The following GPC6 variants were observed in gnomAD, a reference collection of about 807,000 sequenced individuals.
GPC6 encodes glypican 6, also known as glypican-6.
In GPC6, 14 loss-of-function variants were observed where a neutral mutation model predicts 55.2. That is an observed-to-expected ratio of 0.25 (90% confidence interval 0.17 to 0.40). GPC6 has a LOEUF of 0.40. Ranked by LOEUF, GPC6 falls within the 10% of genes least tolerant of loss-of-function variation. GPC6 has a pLI of 1.00. For synonymous variants in GPC6, 278 were observed against 259.6 expected, an observed-to-expected ratio of 1.07 and a Z score of -0.68; for missense variants, 641 against 708.5, an observed-to-expected ratio of 0.90 and a Z score of 1.08.
At chr13:94,097,889 T>C (rs933036567) in intron 4 of GPC6, among the ~76,000 whole-genome samples, 7 of 152,224 alleles carry the variant, frequency 4.6e-5, no homozygotes, top group Non-Finnish European at 8.8e-5. Context: ...ACAACCATTC[T>C]ATTTGTAGTC....
intron 4 of GPC6, among the ~76,000 whole-genome samples, chr13:94,030,383 T>C (rs1207756536): frequency 2.6e-5 from 4 of 152,174 alleles, no homozygotes; most frequent in Non-Finnish European, 5.9e-5. Context: ...TGGGTTCTGC[T>C]GTGGCATTGA....
intron 2 of GPC6, among the ~76,000 whole-genome samples, chr13:93,644,045 C>G (rs1880070803): frequency 2.0e-5 from 3 of 151,996 alleles, no homozygotes; most frequent in Non-Finnish European, 4.4e-5. Flanking sequence ...TATGTAATCC[C>G]ATCAGCTTGT....
chr13:94,096,467 CTT>C (rs1340509641), intron 4 of GPC6, among the ~76,000 whole-genome samples: 1 of 152,086 alleles, frequency 6.6e-6, no homozygotes, highest in African/African-American at 2.4e-5. Context: ...TTGAGAGGCT[CTT>C]TATTGTTTCA....
intron 1 of GPC6, among the ~76,000 whole-genome samples, chr13:93,322,217 T>C (rs909978020): frequency 2.8e-4 from 42 of 152,220 alleles, no homozygotes; most frequent in Admixed American, 2.3e-3. Flanking sequence ...ACTTGTGTCA[T>C]GGAGTTTGTT....
At chr13:93,340,238 G>A (rs1331861703) in intron 1 of GPC6, among the ~76,000 whole-genome samples, 1 of 151,874 alleles carries the variant, frequency 6.6e-6, no homozygotes, top group African/African-American at 2.4e-5. Flanking sequence ...GTTTCACCGT[G>A]TTAGCCAGGT....
intron 2 of GPC6, among the ~76,000 whole-genome samples, chr13:93,626,035 G>C (rs1879187247): frequency 1.3e-5 from 2 of 152,108 alleles, no homozygotes. Context: ...ATTGATACAT[G>C]AGGAGGAAAT....
intron 1 of GPC6, among the ~76,000 whole-genome samples, chr13:93,430,806 A>C (rs932993352): frequency 3.3e-5 from 5 of 152,188 alleles, no homozygotes; most frequent in African/African-American, 1.2e-4. Flanking sequence ...ATCACCATCA[A>C]GCTATTCTAC....
At chr13:94,342,667 C>A (rs1001729781) in intron 6 of GPC6, among the ~76,000 whole-genome samples, 2 of 152,204 alleles carry the variant, frequency 1.3e-5, no homozygotes, top group Non-Finnish European at 2.9e-5. Context: ...GTGCGCAAAG[C>A]TAAGAACTGG....
chr13:94,170,405 T>C (rs1162426115), intron 4 of GPC6, among the ~76,000 whole-genome samples: 1 of 152,118 alleles, frequency 6.6e-6, no homozygotes, highest in Non-Finnish European at 1.5e-5. Flanking sequence ...GGGACTGAGC[T>C]GGTTGGGCTG....
At chr13:93,449,636 T>G (rs1265989588) in intron 1 of GPC6, among the ~76,000 whole-genome samples, 3 of 152,100 alleles carry the variant, frequency 2.0e-5, no homozygotes, top group Admixed American at 6.5e-5. Context: ...GAAACCAGCT[T>G]GGCCAACATG....
intron 1 of GPC6, among the ~76,000 whole-genome samples, chr13:93,484,045 G>C (rs1341777180): frequency 6.6e-6 from 1 of 152,010 alleles, no homozygotes; most frequent in Non-Finnish European, 1.5e-5. Flanking sequence ...ACTTAATCCT[G>C]GGAAAAGATG....
intron 2 of GPC6, among the ~76,000 whole-genome samples, chr13:93,805,543 T>C (rs555242845): frequency 3.9e-5 from 6 of 152,328 alleles, no homozygotes; most frequent in African/African-American, 1.4e-4. Flanking sequence ...TATACTACAT[T>C]TTAATAAGAG....
At chr13:93,984,409 A>G (rs1218016610) in intron 3 of GPC6, among the ~76,000 whole-genome samples, 3 of 152,230 alleles carry the variant, frequency 2.0e-5, no homozygotes, top group African/African-American at 4.8e-5. Context: ...TGAATGGCTC[A>G]AAACTGAAAT....
At chr13:93,556,513 T>G (rs1875491751) in intron 2 of GPC6, among the ~76,000 whole-genome samples, 1 of 150,824 alleles carries the variant, frequency 6.6e-6, no homozygotes, top group African/African-American at 2.4e-5. Context: ...ATCCATCCCC[T>G]CAAGCATTTA....
At chr13:93,617,549 G>A (rs1442272103) in intron 2 of GPC6, among the ~76,000 whole-genome samples, 2 of 151,892 alleles carry the variant, frequency 1.3e-5, no homozygotes, top group African/African-American at 2.4e-5. Flanking sequence ...AAGCCCCCTC[G>A]GACACACATA....
At chr13:94,104,435 C>T (rs1194115258) in intron 4 of GPC6, among the ~76,000 whole-genome samples, 1 of 152,164 alleles carries the variant, frequency 6.6e-6, no homozygotes, top group East Asian at 1.9e-4. Flanking sequence ...TCTCTCACCA[C>T]TCCTATTCAA....
intron 3 of GPC6, among the ~76,000 whole-genome samples, chr13:93,932,818 T>C (rs147228193): frequency 6.6e-6 from 1 of 152,236 alleles, no homozygotes; most frequent in African/African-American, 2.4e-5. Context: ...TGTATTTATT[T>C]TCTAGGGCCA....
chr13:93,425,916 C>A (rs552729186), intron 1 of GPC6, among the ~76,000 whole-genome samples: 1 of 152,154 alleles, frequency 6.6e-6, no homozygotes, highest in Non-Finnish European at 1.5e-5. Flanking sequence ...CTGCAGCCCA[C>A]GGCTTTATTT....
At chr13:93,764,106 C>A (rs931156285) in intron 2 of GPC6, among the ~76,000 whole-genome samples, 1 of 152,118 alleles carries the variant, frequency 6.6e-6, no homozygotes, top group African/African-American at 2.4e-5. Flanking sequence ...TAGAGATACT[C>A]CTCTTAATTT....
Sources: gnomAD v4.1 joint callset for allele counts (sites outside exome capture counted in the v4.1 genomes callset) on GRCh38, gnomAD v4.1.1 for gene constraint, MANE v1.5 for transcripts, NCBI Gene and HGNC (gene_info 2026-07-23, HGNC 2026-07-21) for gene names.